Variants in PARG observed in about 807,000 individuals in gnomAD.
PARG encodes poly(ADP-ribose) glycohydrolase, also known as mitochondrial poly(ADP-ribose) glycohydrolase.
PARG carries 35 observed loss-of-function variants against 113.0 expected under a neutral mutation model. The observed-to-expected ratio is 0.31, with a 90% confidence interval of 0.24 to 0.41. The LOEUF (loss-of-function observed/expected upper bound fraction) is 0.41. PARG is among the 10% of genes least tolerant of loss of function. The probability of loss-of-function intolerance (pLI) is 1.00; values close to 1 mark genes in which losing one functional copy is unlikely to be tolerated. For missense variants in PARG, 797 were observed against 1,169.4 expected, an observed-to-expected ratio of 0.68 and a Z score of 4.64; for synonymous variants, 330 against 409.9, an observed-to-expected ratio of 0.81 and a Z score of 2.36.
At chr10:49,849,052 A>G (rs2664637) in intron 13 of PARG, among the ~76,000 whole-genome samples, 2 of 152,136 alleles carry the variant, frequency 1.3e-5, no homozygotes, top group African/African-American at 2.4e-5. Flanking sequence ...AAAATTAGCC[A>G]GGCATGGTGG....
intron 9 of PARG, among the ~76,000 whole-genome samples, chr10:49,873,478 C>A (rs2813078): frequency 6.6e-6 from 1 of 151,606 alleles, no homozygotes. Context: ...CTTTGAGATA[C>A]AATAAAAGAA....
intron 7 of PARG, among the ~76,000 whole-genome samples, chr10:49,901,537 T>C (rs1481139508): frequency 2.0e-5 from 3 of 152,132 alleles, no homozygotes; most frequent in Non-Finnish European, 4.4e-5. Flanking sequence ...TTAATTTAAT[T>C]AAATTATCCA....
At chr10:49,825,552 G>C (rs1392124770) in intron 16 of PARG, among the ~76,000 whole-genome samples, 7 of 152,180 alleles carry the variant, frequency 4.6e-5, no homozygotes. Context: ...TACAGGTAAA[G>C]AATATATTTA....
At chr10:49,879,539 C>T (rs1847115019) in intron 9 of PARG, 134 bp downstream of exon 9, 2 of 592,086 alleles carry the variant, frequency 3.4e-6, no homozygotes, top group Non-Finnish European at 6.1e-6. Context: ...GAAAATGTCA[C>T]TTAAGTACTG....
intron 4 of PARG, among the ~76,000 whole-genome samples, chr10:49,926,715 C>A (rs1838184701): frequency 1.3e-5 from 2 of 152,218 alleles, no homozygotes; most frequent in African/African-American, 4.8e-5. Context: ...CCGAATCCTG[C>A]AACCCCACTT....
At chr10:49,888,778 G>A (rs1847622530) in intron 7 of PARG, among the ~76,000 whole-genome samples, 1 of 152,092 alleles carries the variant, frequency 6.6e-6, no homozygotes, top group Non-Finnish European at 1.5e-5. Context: ...AATTTTGGAA[G>A]TTTTCAGCCA....
At chr10:49,910,555 C>T (rs1554845978) in intron 7 of PARG, among the ~76,000 whole-genome samples, 2 of 151,848 alleles carry the variant, frequency 1.3e-5, no homozygotes, top group Non-Finnish European at 2.9e-5. Flanking sequence ...TTATTTATGA[C>T]AGCCTTCATG....
chr10:49,891,097 C>T (rs1431512362), intron 7 of PARG, among the ~76,000 whole-genome samples: 6 of 152,180 alleles, frequency 3.9e-5, no homozygotes, highest in Non-Finnish European at 7.4e-5. Context: ...GGCAAATCAC[C>T]AGGTCAGGAG....
At position 49,845,307 on chromosome 10, in the gene PARG, T is replaced by A. The variant is rs144077728; in HGVS notation, c.2354-1675A>T. On this transcript the variant is annotated intron_variant, in intron 13 of 17. Transcript: ENST00000616448. ...ACTGAAAATGTGTGCTCACAAAAAC[T>A]GCAAAGAACAATGTTCATAGCAGGT... 7.4e-3 allele frequency among the ~76,000 whole-genome samples: 1,121 copies of A among 152,326 alleles called. 8 individuals carry two copies. Among genetic ancestry groups the A allele is most frequent in the Non-Finnish European group, 0.012 (830 of 68,020 alleles).
chr10:49,820,646 T>C (rs1307541818), intron 16 of PARG, among the ~76,000 whole-genome samples: 1 of 148,174 alleles, frequency 6.7e-6, no homozygotes, highest in Non-Finnish European at 1.5e-5. Context: ...TGCTTGAACC[T>C]GGGAGGTGGA....
intron 1 of PARG, among the ~76,000 whole-genome samples, chr10:49,941,058 A>G (rs1839024173): frequency 6.6e-6 from 1 of 152,188 alleles, no homozygotes; most frequent in East Asian, 1.9e-4. Context: ...GCAGAGGCCA[A>G]GTTTCTCTCG....
At chr10:49,937,369 G>C (rs1304282435) in intron 1 of PARG, among the ~76,000 whole-genome samples, 1 of 151,902 alleles carries the variant, frequency 6.6e-6, no homozygotes, top group Non-Finnish European at 1.5e-5. Flanking sequence ...CCAGCTACTC[G>C]GGAGGCTGAG....
chr10:49,897,302 A>C (rs1324987591), intron 7 of PARG, among the ~76,000 whole-genome samples: 2 of 152,198 alleles, frequency 1.3e-5, no homozygotes, highest in African/African-American at 4.8e-5. Context: ...GATGATGATG[A>C]TGCATTATTT....
In PARG at chr10:49,935,451, T is replaced by G. The variant is rs1229228703; in HGVS notation, c.218-309A>C. Among the ~76,000 whole-genome samples the G allele has an allele frequency of 3.3e-5, 5 of 152,378 alleles. No homozygotes were observed. The East Asian group carries it at 9.6e-4, about 29-fold the overall frequency. On this transcript the variant is annotated intron_variant, in intron 1 of 17. Transcript: ENST00000616448. ...CCTATGTTACTCTGTGAGGGGTCAT[T>G]TCTCTGTATCTCAGATCCCTCATTT...
chr10:49,869,606 T>C, intron 9 of PARG, 51 bp from the exon 10 acceptor site: 1 of 734,594 alleles, frequency 1.4e-6, no homozygotes, highest in Non-Finnish European at 2.5e-6. Flanking sequence ...AATGCCTTAA[T>C]GATTCACAAA....
At chr10:49,927,211 G>A (rs1554850791) in intron 4 of PARG, among the ~76,000 whole-genome samples, 2 of 151,946 alleles carry the variant, frequency 1.3e-5, no homozygotes, top group Non-Finnish European at 2.9e-5. Flanking sequence ...GGAGGCTGAG[G>A]CAGGCGAATC....
At chr10:49,883,015 A>G (rs1847289586) in intron 8 of PARG, among the ~76,000 whole-genome samples, 1 of 151,058 alleles carries the variant, frequency 6.6e-6, no homozygotes, top group South Asian at 2.1e-4. Context: ...AACTTCCAAC[A>G]GAAACAAGAA....
At chr10:49,929,780 C>T (rs1408825135) in intron 4 of PARG, among the ~76,000 whole-genome samples, 5 of 148,836 alleles carry the variant, frequency 3.4e-5, no homozygotes, top group African/African-American at 5.0e-5. Context: ...GAGCCGAGAT[C>T]GTGCTGTTGC....
At chr10:49,895,280 T>C (rs1848022983) in intron 7 of PARG, among the ~76,000 whole-genome samples, 1 of 152,250 alleles carries the variant, frequency 6.6e-6, no homozygotes, top group Admixed American at 6.5e-5. Context: ...CTGCCCTTCT[T>C]ATTTACAATT....
Sources: allele counts gnomAD v4.1 joint callset (sites outside exome capture counted in the v4.1 genomes callset), GRCh38; gene constraint gnomAD v4.1.1; transcripts MANE v1.5; gene names NCBI Gene and HGNC (gene_info 2026-07-23, HGNC 2026-07-21).